Variants in SUGP2 observed in about 807,000 individuals in gnomAD.
SUGP2 encodes SURP and G-patch domain-containing protein 2.
SUGP2 carries 24 observed loss-of-function variants against 90.5 expected under a neutral mutation model. The ratio of observed to expected loss-of-function variants is 0.27; its 90% CI spans 0.19 to 0.37. The LOEUF is 0.37. Ranked by LOEUF, SUGP2 falls within the 10% of genes least tolerant of loss-of-function variation. SUGP2 has a pLI of 1.00. For synonymous variants in SUGP2, 473 were observed against 513.4 expected, an observed-to-expected ratio of 0.92 and a Z score of 1.06; for missense variants, 1,233 against 1,363.3, an observed-to-expected ratio of 0.90 and a Z score of 1.51.
intron 4 of SUGP2, among the ~76,000 whole-genome samples, chr19:19,010,872 G>T (rs184523116): frequency 2.0e-5 from 3 of 152,220 alleles, no homozygotes; most frequent in Admixed American, 1.3e-4. Flanking sequence ...GGGCGTGGTG[G>T]CTCACACCTG....
Position 19,033,461 on chromosome 19 carries a change from A to AC in SUGP2, c.-37dup, listed in dbSNP as rs886555081. 1.4e-6 allele frequency: 2 copies of AC among 1,394,912 alleles called. No homozygotes were observed. The highest frequency in any genetic ancestry group is 9.3e-7 in the Non-Finnish European group (1 of 1,074,414). The allele number at this position is 1,394,912 out of a possible 1,614,324, so 86.4% of individuals were successfully genotyped here. A position where few individuals can be genotyped will look rare whatever the true frequency, so the allele number is the denominator to read the frequency against. On this transcript the variant is annotated 5_prime_UTR_variant, in exon 1 of 11. Coordinates refer to ENST00000452918, the MANE Select transcript of SUGP2 (RefSeq NM_001017392.5). Reference sequence around the variant, plus strand: ...CCCCGAGACCACCGCGCGCGGAGCCACCCCCGCCGCCGCCTCAGGCTCCTC... The same window carrying AC: ...CCCCGAGACCACCGCGCGCGGAGCCACCCCCCGCCGCCGCCTCAGGCTCCTC...
At position 19,025,763 on chromosome 19, in the gene SUGP2, A is replaced by G. The variant is rs2058899115; in HGVS notation, c.585T>C (p.His195=). 2 of 1,613,972 alleles carry G rather than the reference A, an allele frequency of 1.2e-6. No homozygotes were observed. The highest frequency in any genetic ancestry group is 1.7e-6 in the Non-Finnish European group (2 of 1,179,994). ...TAAGCACAGAGTCAGCCTCCCCAGG[A>G]TGGTCCACGTCATAATCCCGACTCT... is the stretch of plus-strand genomic sequence containing the variant. ...EKESRDYDVD[H]PGEADSVLRG... The change falls in exon 3 of 11, where the codon CAT becomes CAC. Residue 195 remains histidine (H), a synonymous_variant. Transcript: ENST00000452918.
chr19:19,016,793 C>T (rs941169807), intron 4 of SUGP2, among the ~76,000 whole-genome samples: 3 of 152,146 alleles, frequency 2.0e-5, no homozygotes, highest in Admixed American at 2.0e-4. Flanking sequence ...GTGCTTAGAA[C>T]AGTACCAACT....
At chr19:19,033,519 T>C, upstream of SUGP2, 6 of 1,401,816 alleles carry the variant, frequency 4.3e-6, no homozygotes, top group Non-Finnish European at 5.6e-6. Flanking sequence ...GGCGGGGACA[T>C]GCAAATGAAC....
intron 1 of SUGP2, 31 bp downstream of exon 1, chr19:19,033,406 C>A: frequency 7.7e-7 from 1 of 1,295,170 alleles, no homozygotes; most frequent in Non-Finnish European, 9.8e-7. Context: ...CCGGGAGCCA[C>A]CCACCGACGA....
chr19:18,998,566 T>C (rs1022097613), intron 8 of SUGP2, among the ~76,000 whole-genome samples: 1 of 152,054 alleles, frequency 6.6e-6, no homozygotes, highest in Non-Finnish European at 1.5e-5. Flanking sequence ...GAGGGTATTA[T>C]ATAAAGTAGC....
At position 19,026,030 on chromosome 19, in the gene SUGP2, T is replaced by G. The variant is rs1281075724; in HGVS notation, c.318A>C (p.Glu106Asp). 6.2e-7 allele frequency: 1 copy of G among 1,614,036 alleles called. No individual in the cohort carries two copies. The highest frequency in any genetic ancestry group is 8.5e-7 in the Non-Finnish European group (1 of 1,180,036). Reference protein sequence around the residue: ...SISDDSYFRKECGRDLEFSHS... With the variant: ...SISDDSYFRKDCGRDLEFSHS... ...GAGAAAATTCCAGATCCCGGCCACA[T>G]TCTTTGCGAAAGTAGCTGTCATCAC... is the stretch of plus-strand genomic sequence containing the variant. The change falls in exon 3 of 11, where the codon GAA becomes GAC. Residue 106 changes from glutamate to aspartate, a missense_variant. By Grantham distance (45) the Glu-to-Asp change is conservative. Transcript: ENST00000452918.
rs374873309 is a variant in SUGP2 at position 19,031,824 on chromosome 19, C to CTTT, written c.-11-745_-11-743dup. The stretch of plus-strand genomic sequence containing the variant: ...GGCAAGCTGGACCCTTTTTATTTAT[C>CTTT]TTTTTTTTTTTTTTTTTTAAGTAGA... On this transcript the variant is annotated intron_variant, in intron 1 of 10. Transcript: ENST00000452918. 2.7e-4 allele frequency among the ~76,000 whole-genome samples: 37 copies of CTTT among 138,056 alleles called. 2 individuals are homozygous for CTTT. Among genetic ancestry groups the CTTT allele is most frequent in the Admixed American group, 9.7e-4 (13 of 13,458 alleles). The allele number at this position is 138,056 out of a possible 152,430, so 90.6% of individuals were successfully genotyped here.
At chr19:19,033,282 C>T in intron 1 of SUGP2, 155 bp downstream of exon 1, 8 of 880,032 alleles carry the variant, frequency 9.1e-6, no homozygotes, top group Non-Finnish European at 1.1e-5. Flanking sequence ...CCGCAGCCGG[C>T]CACCCAGGCC....
In SUGP2 at chr19:19,024,751, C is replaced by T. The variant is rs779949526; in HGVS notation, c.1597G>A (p.Ala533Thr). ...FGREYIDHLK[A>T]WLVSSGCPLQ... The stretch of plus-strand genomic sequence containing the variant: ...GGACATCCGCTGCTGACTAGCCAGG[C>T]CTTCAGGTGGTCTATGTACTCTCGC... Residue 533 changes from alanine to threonine, a missense_variant, in exon 3 of 11, where the codon GCC becomes ACC. This residue lies in a region of SUGP2 where 540 missense variants were observed against 542.6 expected (regional missense o/e 1.00). Coordinates refer to ENST00000452918, the MANE Select transcript of SUGP2 (RefSeq NM_001017392.5). 6.2e-7 allele frequency: 1 copy of T among 1,614,138 alleles called. No individual in the cohort carries two copies. Among genetic ancestry groups the T allele is most frequent in the Non-Finnish European group, 8.5e-7 (1 of 1,180,036 alleles).
chr19:19,024,961 G>A lies in SUGP2; in HGVS notation c.1387C>T (p.Leu463=). Residue 463 remains leucine (L), a synonymous_variant, in exon 3 of 11, where the codon CTG becomes TTG. Coordinates refer to ENST00000452918, the MANE Select transcript of SUGP2 (RefSeq NM_001017392.5). ...SVKMKTLSNP[L]DLALALETTN... is the part of the protein sequence containing the mutation. The stretch of plus-strand genomic sequence containing the variant: ...GTTTCTAGGGCAAGAGCCAAGTCCA[G>A]GGGGTTACTGAGGGTCTTCATCTTG... 1 of 1,614,204 alleles carries A rather than the reference G, an allele frequency of 6.2e-7. No individual in the cohort carries two copies. Among genetic ancestry groups the A allele is most frequent in the South Asian group, 1.1e-5 (1 of 91,080 alleles).
intron 3 of SUGP2, among the ~76,000 whole-genome samples, chr19:19,022,361 C>A (rs779815928): frequency 6.6e-5 from 10 of 152,194 alleles, no homozygotes; most frequent in Non-Finnish European, 1.3e-4. Flanking sequence ...CCACCTATCC[C>A]GCTATCCAGA....
intron 7 of SUGP2, among the ~76,000 whole-genome samples, chr19:19,003,829 G>A (rs2145375630): frequency 6.6e-6 from 1 of 152,280 alleles, no homozygotes; most frequent in South Asian, 2.1e-4. Flanking sequence ...GCCTTCCAGG[G>A]GCTCAGAAGG....
chr19:19,031,059 G>T lies in SUGP2; in HGVS notation c.13C>A (p.Arg5=), dbSNP rs771629490. ...GCATCAAAAGTCTCCTGTGTAATTC[G>T]TCTGGCTGCCATGTTATTTTGCCCT... MAAR[R]ITQETFDAVL... Residue 5 remains arginine (R), a synonymous_variant, in exon 2 of 11, where the codon CGA becomes AGA. Transcript: ENST00000452918. 3.5e-5 allele frequency: 56 copies of T among 1,611,872 alleles called. No homozygotes were observed. In the South Asian group the frequency reaches 5.6e-4, roughly 16 times the overall value.
In SUGP2 at chr19:18,991,003, T is replaced by C. The variant is rs1268815791; in HGVS notation, c.*2738A>G. 6.6e-6 allele frequency: 1 copy of C among 152,240 alleles called. No individual in the cohort carries two copies. The highest frequency in any genetic ancestry group is 1.5e-5 in the Non-Finnish European group (1 of 68,038). The allele number at this position is 152,240 out of a possible 1,614,324, so 9.4% of individuals were successfully genotyped here. ...AACTTCCATTTTGTAACATCACAAA[T>C]GTCTTCTAGGCTTTATCAAGGACCA... On this transcript the variant is annotated 3_prime_UTR_variant, in exon 11 of 11. Transcript: ENST00000452918.
intron 8 of SUGP2, among the ~76,000 whole-genome samples, chr19:18,999,747 T>C (rs531159519): frequency 3.4e-4 from 52 of 152,294 alleles, no homozygotes; most frequent in South Asian, 2.9e-3. Context: ...TCCCTGACCA[T>C]GAAGGACTGG....
intron 4 of SUGP2, among the ~76,000 whole-genome samples, chr19:19,013,500 A>G (rs1257123060): frequency 6.6e-6 from 1 of 152,044 alleles, no homozygotes; most frequent in East Asian, 1.9e-4. Context: ...CTAAACTTTT[A>G]TTTTGTATCA....
At chr19:19,013,922 G>A (rs781455331) in intron 4 of SUGP2, among the ~76,000 whole-genome samples, 3 of 152,204 alleles carry the variant, frequency 2.0e-5, no homozygotes, top group Non-Finnish European at 2.9e-5. Flanking sequence ...AGAAAAGGAC[G>A]GAAGCCTGCC....
In SUGP2 at chr19:19,010,333, A is replaced by T. The variant is rs753221353; in HGVS notation, c.1860T>A (p.Ser620=). Residue 620 remains serine, a synonymous_variant, in exon 5 of 11, where the codon TCT becomes TCA. Coordinates refer to ENST00000452918, the MANE Select transcript of SUGP2 (RefSeq NM_001017392.5). ...LKEDPAYWFL[S]DENSLEYKYY... ...ATTTATACTCCAGACTATTTTCATC[A>T]GACAAAAACCTAGATAACAAAACAA... The T allele has an allele frequency of 6.2e-7, 1 of 1,609,410 alleles. No homozygotes were observed. The highest frequency in any genetic ancestry group is 2.2e-5 in the East Asian group (1 of 44,802).
Sources: gnomAD v4.1 joint callset for allele counts (sites outside exome capture counted in the v4.1 genomes callset) on GRCh38, gnomAD v4.1.1 for gene constraint, gnomAD v4.1.1 regional missense constraint, MANE v1.5 for transcripts, NCBI Gene and HGNC (gene_info 2026-07-23, HGNC 2026-07-21) for gene names.